The following ROBO2 variants were observed in gnomAD, a reference collection of about 807,000 sequenced individuals.
The protein encoded by ROBO2 is roundabout guidance receptor 2.
ROBO2 carries 53 observed loss-of-function variants against 160.8 expected under a neutral mutation model. The ratio of observed to expected loss-of-function variants is 0.33; its 90% CI spans 0.26 to 0.41. The LOEUF is 0.41. Among genes scored for constraint, ROBO2 ranks in the 10% least tolerant of loss-of-function variants. The pLI, the probability that ROBO2 is intolerant of heterozygous loss-of-function variation, is 1.00. For synonymous variants in ROBO2, 664 were observed against 611.7 expected, an observed-to-expected ratio of 1.09 and a Z score of -1.26; for missense variants, 1,577 against 1,722.4, an observed-to-expected ratio of 0.92 and a Z score of 1.49.
At chr3:77,527,883 A>T (rs1048874270) in intron 6 of ROBO2, among the ~76,000 whole-genome samples, 11 of 151,620 alleles carry the variant, frequency 7.3e-5, no homozygotes, top group Non-Finnish European at 1.6e-4. Context: ...TAGCTGCTGC[A>T]TATTTATTGC....
At chr3:75,942,926 T>C (rs1293139388) in intron 2 of ROBO2, among the ~76,000 whole-genome samples, 9 of 152,174 alleles carry the variant, frequency 5.9e-5, no homozygotes, top group Non-Finnish European at 1.3e-4. Context: ...CAAGCCTTTT[T>C]ATGCAGTCTG....
intron 2 of ROBO2, among the ~76,000 whole-genome samples, chr3:77,190,125 T>C (rs13094344): frequency 0.26 from 39,640 of 151,756 alleles, 5,450 homozygotes; most frequent in African/African-American, 0.32. Flanking sequence ...ATATAGTATT[T>C]TTCTGGGGGA....
At chr3:77,289,329 G>T (rs2060876201) in intron 2 of ROBO2, among the ~76,000 whole-genome samples, 2 of 152,140 alleles carry the variant, frequency 1.3e-5, no homozygotes, top group African/African-American at 4.8e-5. Context: ...GAGCACCAAA[G>T]ACATAAAGTA....
chr3:76,265,646 A>T (rs1707053955), intron 2 of ROBO2, among the ~76,000 whole-genome samples: 1 of 152,152 alleles, frequency 6.6e-6, no homozygotes, highest in Admixed American at 6.6e-5. Flanking sequence ...TAAGCATTAC[A>T]GTAAGTTCGT....
At chr3:77,055,516 G>A (rs1373345824) in intron 1 of ROBO2, among the ~76,000 whole-genome samples, 1 of 152,004 alleles carries the variant, frequency 6.6e-6, no homozygotes, top group African/African-American at 2.4e-5. Flanking sequence ...TTTTTGCCTT[G>A]ATTTTCTAAC....
chr3:76,870,059 AG>A (rs138784930), intron 2 of ROBO2, among the ~76,000 whole-genome samples: 1,673 of 152,300 alleles, frequency 0.011, 35 homozygotes, highest in African/African-American at 0.037. Flanking sequence ...GTGGAACTGG[AG>A]AAACTGACCA....
intron 2 of ROBO2, among the ~76,000 whole-genome samples, chr3:76,235,939 C>T (rs1704917859): frequency 1.3e-5 from 2 of 152,070 alleles, no homozygotes; most frequent in Non-Finnish European, 2.9e-5. Flanking sequence ...GGGAAGGAAA[C>T]ACATTTAAGT....
At chr3:76,038,790 G>A (rs112480168) in intron 2 of ROBO2, among the ~76,000 whole-genome samples, 1 of 107,104 alleles carries the variant, frequency 9.3e-6, no homozygotes, top group Non-Finnish European at 1.7e-5. Context: ...GTGTGTGTGT[G>A]TATGTATGTG....
At chr3:76,636,385 T>C (rs192606685) in intron 2 of ROBO2, among the ~76,000 whole-genome samples, 1 of 152,306 alleles carries the variant, frequency 6.6e-6, no homozygotes, top group Non-Finnish European at 1.5e-5. Context: ...AAGTTGCAGT[T>C]AGTGATAATT....
chr3:75,997,179 A>G (rs2065752817), intron 2 of ROBO2, among the ~76,000 whole-genome samples: 1 of 152,198 alleles, frequency 6.6e-6, no homozygotes. Flanking sequence ...TATATCCATT[A>G]TAGCTCATTT....
At chr3:77,475,310 A>C (rs2083867295) in intron 2 of ROBO2, among the ~76,000 whole-genome samples, 1 of 152,090 alleles carries the variant, frequency 6.6e-6, no homozygotes, top group African/African-American at 2.4e-5. Context: ...AATTGGAGTC[A>C]TTTTCCCCCT....
intron 2 of ROBO2, among the ~76,000 whole-genome samples, chr3:77,010,220 T>C (rs930144329): frequency 6.6e-6 from 1 of 152,130 alleles, no homozygotes. Context: ...AATTGAAGTA[T>C]ATATGTAGAA....
At position 76,340,817 on chromosome 3, in the gene ROBO2, A is replaced by C. The variant is rs1046178956; in HGVS notation, c.109+403215A>C. 2.7e-4 allele frequency among the ~76,000 whole-genome samples: 41 copies of C among 152,162 alleles called. 1 individual carries two copies. Among genetic ancestry groups the C allele is most frequent in the Admixed American group, 2.4e-3 (37 of 15,256 alleles). On this transcript the variant is annotated intron_variant, in intron 2 of 26. Coordinates refer to the ROBO2 transcript ENST00000487694. The stretch of plus-strand genomic sequence containing the variant: ...ATGCATTGCTCATGTTCCAAGCACT[A>C]AGAAAGTAACCATCAGAGTTCTTAT...
intron 2 of ROBO2, among the ~76,000 whole-genome samples, chr3:76,597,644 T>A (rs2108897720): frequency 6.6e-6 from 1 of 152,208 alleles, no homozygotes; most frequent in East Asian, 1.9e-4. Context: ...TCCACATATA[T>A]TGCTGTTGAG....
intron 2 of ROBO2, among the ~76,000 whole-genome samples, chr3:76,701,804 G>T (rs565175570): frequency 1.3e-5 from 2 of 150,910 alleles, no homozygotes; most frequent in Admixed American, 6.6e-5. Context: ...TTTATTTGAG[G>T]TATACCACCA....
chr3:76,621,608 T>C (rs2109260779), intron 2 of ROBO2, among the ~76,000 whole-genome samples: 1 of 152,342 alleles, frequency 6.6e-6, no homozygotes, highest in Admixed American at 6.5e-5. Flanking sequence ...GAGTTCCTCA[T>C]CTGTAAATGA....
At chr3:77,471,081 T>A (rs935531) in intron 2 of ROBO2, among the ~76,000 whole-genome samples, 27,974 of 152,234 alleles carry the variant, frequency 0.18, 3,181 homozygotes, top group Non-Finnish European at 0.26. Flanking sequence ...TTTTAGGCTT[T>A]ACCCTTCTAA....
chr3:76,885,806 CT>C (rs1314054982), intron 2 of ROBO2, among the ~76,000 whole-genome samples: 1 of 152,304 alleles, frequency 6.6e-6, no homozygotes, highest in Non-Finnish European at 1.5e-5. Flanking sequence ...ATGATTACAT[CT>C]TTCTTTATGC....
At chr3:76,773,910 T>C (rs2108527008) in intron 2 of ROBO2, among the ~76,000 whole-genome samples, 1 of 150,886 alleles carries the variant, frequency 6.6e-6, no homozygotes, top group East Asian at 2.0e-4. Context: ...TAAATTACCA[T>C]TTGAGGAACT....
Sources: allele counts gnomAD v4.1 joint callset (sites outside exome capture counted in the v4.1 genomes callset), GRCh38; gene constraint gnomAD v4.1.1; transcripts MANE v1.5; gene names NCBI Gene and HGNC (gene_info 2026-07-23, HGNC 2026-07-21).